Variants in MID1 observed in about 807,000 individuals in gnomAD.
The protein encoded by MID1 is E3 ubiquitin-protein ligase Midline-1.
In MID1, 7 loss-of-function variants were observed where a neutral mutation model predicts 40.4. The observed-to-expected ratio is 0.17, with a 90% CI of 0.10 to 0.33. The LOEUF is 0.33. MID1 is among the 10% of genes least tolerant of loss of function. MID1 has a pLI of 1.00. For synonymous variants in MID1, 229 were observed against 221.2 expected (o/e 1.04, Z -0.31); for missense variants, 367 against 558.5 (o/e 0.66, Z 3.46).
chrX:10,470,461 T>C (rs377234352), intron 6 of MID1, among the ~76,000 whole-genome samples: 14 of 112,367 alleles, frequency 1.2e-4, no homozygotes, highest in African/African-American at 3.9e-4. Flanking sequence ...AAAATACTTA[T>C]GTTTGTTATC....
Position 10,530,321 on chromosome X carries a change from G to A in MID1, c.661-7134C>T, listed in dbSNP as rs142641606. On this transcript the variant is annotated intron_variant, in intron 2 of 9. Coordinates refer to ENST00000317552, the MANE Select transcript of MID1 (RefSeq NM_000381.4). ...ATTCTGTGAGGTTTACGACTTGGTG[G>A]CATTCAATACTACCCTCCCACCACT... is the stretch of plus-strand genomic sequence containing the variant. Among the ~76,000 whole-genome samples, 995 of 111,226 alleles carry A rather than the reference G, an allele frequency of 8.9e-3. 11 individuals are homozygous for A. Among genetic ancestry groups the A allele is most frequent in the African/African-American group, 0.03 (922 of 30,561 alleles).
chrX:10,718,908 A>G (rs1315667637), intron 1 of MID1, among the ~76,000 whole-genome samples: 1 of 112,004 alleles, frequency 8.9e-6, no homozygotes, highest in East Asian at 2.8e-4. Flanking sequence ...CAAATCAATA[A>G]ATGTAATCCA....
chrX:10,610,527 C>T (rs1442633954), intron 1 of MID1, among the ~76,000 whole-genome samples: 2 of 111,182 alleles, frequency 1.8e-5, no homozygotes, highest in Non-Finnish European at 3.8e-5. Flanking sequence ...CTAGGGTATA[C>T]TCTAAAGCAG....
At chrX:10,712,499 C>T (rs748555803) in intron 1 of MID1, among the ~76,000 whole-genome samples, 24 of 110,878 alleles carry the variant, frequency 2.2e-4, no homozygotes, top group African/African-American at 7.9e-4. Context: ...GGCAGGTCAC[C>T]GTGCAAGCAG....
chrX:10,705,472 C>T (rs1339046184), intron 1 of MID1, among the ~76,000 whole-genome samples: 2 of 112,170 alleles, frequency 1.8e-5, no homozygotes, highest in African/African-American at 6.5e-5. Flanking sequence ...TTCAAAAGTT[C>T]TACTCCGTAA....
chrX:10,754,889 G>C (rs1339821577), intron 1 of MID1, among the ~76,000 whole-genome samples: 1 of 112,041 alleles, frequency 8.9e-6, no homozygotes, highest in African/African-American at 3.2e-5. Flanking sequence ...ATTCAAAGTT[G>C]TCACTAAACA....
intron 1 of MID1, among the ~76,000 whole-genome samples, chrX:10,714,186 A>AG (rs1199326110): frequency 8.9e-6 from 1 of 112,556 alleles, no homozygotes; most frequent in Non-Finnish European, 1.9e-5. Context: ...TGTTCAAAAA[A>AG]CTATTCTTAA....
At chrX:10,616,065 G>A (rs1935833146) in intron 1 of MID1, among the ~76,000 whole-genome samples, 2 of 111,730 alleles carry the variant, frequency 1.8e-5, no homozygotes, top group Admixed American at 9.5e-5. Context: ...ACTCTGCCTC[G>A]GGCTCCCTGC....
intron 1 of MID1, among the ~76,000 whole-genome samples, chrX:10,751,269 A>G (rs1464342746): frequency 9.1e-6 from 1 of 110,328 alleles, no homozygotes; most frequent in Non-Finnish European, 1.9e-5. Flanking sequence ...CATCTCAAAA[A>G]AAAAAGAAAG....
intron 2 of MID1, among the ~76,000 whole-genome samples, chrX:10,529,408 A>T (rs1932899451): frequency 8.9e-6 from 1 of 112,370 alleles, no homozygotes; most frequent in South Asian, 3.7e-4. Context: ...GATTATTGTC[A>T]GAATTCCCAT....
intron 1 of MID1, among the ~76,000 whole-genome samples, chrX:10,689,887 C>A: frequency 9.0e-6 from 1 of 111,373 alleles, no homozygotes. Context: ...ATTGAAATTG[C>A]TTCAAAAGAA....
At chrX:10,711,573 T>G (rs1245453528) in intron 1 of MID1, among the ~76,000 whole-genome samples, 2 of 112,384 alleles carry the variant, frequency 1.8e-5, no homozygotes, top group African/African-American at 6.5e-5. Flanking sequence ...AAAGTAAAAT[T>G]ACACTGTATT....
intron 1 of MID1, among the ~76,000 whole-genome samples, chrX:10,585,804 T>A (rs1255557436): frequency 8.9e-6 from 1 of 111,771 alleles, no homozygotes; most frequent in East Asian, 2.8e-4. Context: ...TCTTAATTTA[T>A]GATAAATGTA....
intron 1 of MID1, among the ~76,000 whole-genome samples, chrX:10,717,172 A>G (rs2043310652): frequency 1.8e-5 from 2 of 111,758 alleles, no homozygotes; most frequent in South Asian, 7.5e-4. Context: ...TCATTATGAC[A>G]GGATCAAATT....
At chrX:10,810,019 C>A (rs1224074888) in intron 1 of MID1, among the ~76,000 whole-genome samples, 4 of 111,440 alleles carry the variant, frequency 3.6e-5, no homozygotes, top group African/African-American at 1.3e-4. Context: ...GTAAAATATT[C>A]ATAACGTAAA....
At chrX:10,608,072 A>G (rs1383076992) in intron 1 of MID1, among the ~76,000 whole-genome samples, 11 of 112,489 alleles carry the variant, frequency 9.8e-5, no homozygotes, top group African/African-American at 3.6e-4. Context: ...CACACCTACC[A>G]GAATGGCTAA....
At chrX:10,803,786 C>T (rs1051562446) in intron 1 of MID1, among the ~76,000 whole-genome samples, 2 of 111,432 alleles carry the variant, frequency 1.8e-5, no homozygotes, top group Non-Finnish European at 3.8e-5. Context: ...GGTTTGGTTC[C>T]TGTTATTAGT....
At chrX:10,651,816 C>T (rs542523800) in intron 1 of MID1, among the ~76,000 whole-genome samples, 15 of 111,089 alleles carry the variant, frequency 1.4e-4, no homozygotes, top group Middle Eastern at 4.6e-3. Flanking sequence ...TCAGTAAAGG[C>T]GGGGTCCCAC....
At chrX:10,780,846 T>C (rs1460787510) in intron 1 of MID1, among the ~76,000 whole-genome samples, 2 of 111,571 alleles carry the variant, frequency 1.8e-5, no homozygotes, top group Admixed American at 1.9e-4. Context: ...CATCAGGCAT[T>C]AGTTAGATTC....
Sources: allele counts gnomAD v4.1 joint callset (sites outside exome capture counted in the v4.1 genomes callset), GRCh38; gene constraint gnomAD v4.1.1; transcripts MANE v1.5; gene names NCBI Gene and HGNC (gene_info 2026-07-23, HGNC 2026-07-21).